NTNG1: variants seen among roughly 807,000 people sequenced by gnomAD.
NTNG1 encodes netrin-G1.
Under a neutral mutation model 54.0 loss-of-function variants are expected in NTNG1, and 16 were observed. The ratio of observed to expected loss-of-function variants is 0.30; its 90% CI spans 0.20 to 0.45. NTNG1 has a LOEUF of 0.45. Among genes scored for constraint, NTNG1 ranks in the 20% least tolerant of loss-of-function variants. The pLI is 1.00. For synonymous variants in NTNG1, 255 were observed against 263.1 expected (o/e 0.97, Z 0.30); for missense variants, 530 against 678.7 (o/e 0.78, Z 2.43).
At chr1:107,325,021 G>C (rs1667870550) in intron 3 of NTNG1, 99 bp downstream of exon 3, 2 of 1,246,766 alleles carry the variant, frequency 1.6e-6, no homozygotes, top group Non-Finnish European at 2.2e-6. Flanking sequence ...AATTTCTACT[G>C]CAACGTTTTC....
At chr1:107,381,706 G>A (rs557761833) in intron 3 of NTNG1, among the ~76,000 whole-genome samples, 6 of 152,286 alleles carry the variant, frequency 3.9e-5, no homozygotes, top group Admixed American at 3.9e-4. Flanking sequence ...ATCCAAACCA[G>A]TTTAAACCAA....
chr1:107,211,014 C>T (rs577812823), intron 2 of NTNG1, among the ~76,000 whole-genome samples: 1 of 152,244 alleles, frequency 6.6e-6, no homozygotes, highest in South Asian at 2.1e-4. Context: ...CCTTATATGT[C>T]GTCTCTGAAC....
intron 2 of NTNG1, among the ~76,000 whole-genome samples, chr1:107,267,212 A>G (rs1002423694): frequency 6.6e-6 from 1 of 152,228 alleles, no homozygotes; most frequent in African/African-American, 2.4e-5. Flanking sequence ...TATACAGATA[A>G]ATGAGATAAT....
At chr1:107,346,224 T>TGTC (rs1409864702) in intron 3 of NTNG1, among the ~76,000 whole-genome samples, 1 of 152,230 alleles carries the variant, frequency 6.6e-6, no homozygotes, top group East Asian at 1.9e-4. Context: ...GGAAGAAGAT[T>TGTC]GATCCCTGAT....
chr1:107,438,523 A>T (rs577841388), intron 7 of NTNG1, among the ~76,000 whole-genome samples: 3 of 152,272 alleles, frequency 2.0e-5, no homozygotes, highest in African/African-American at 7.2e-5. Flanking sequence ...GCAGGCCAAC[A>T]GTCAGGAGAA....
chr1:107,398,387 C>A (rs1672820250), intron 4 of NTNG1, among the ~76,000 whole-genome samples: 1 of 152,118 alleles, frequency 6.6e-6, no homozygotes, highest in Non-Finnish European at 1.5e-5. Flanking sequence ...ATATTCTTCC[C>A]CAAGACACTC....
At chr1:107,299,706 C>T (rs1321076160) in intron 2 of NTNG1, among the ~76,000 whole-genome samples, 1 of 152,098 alleles carries the variant, frequency 6.6e-6, no homozygotes, top group Non-Finnish European at 1.5e-5. Flanking sequence ...ATATCAGTGC[C>T]TCAGAATGAC....
intron 2 of NTNG1, among the ~76,000 whole-genome samples, chr1:107,201,362 C>T (rs4915025): frequency 0.91 from 137,807 of 151,778 alleles, 63,975 homozygotes; most frequent in Non-Finnish European, 1. Flanking sequence ...GCCCTACTCT[C>T]GTGCCAACTT....
intron 3 of NTNG1, among the ~76,000 whole-genome samples, chr1:107,338,536 G>T (rs1244285678): frequency 6.6e-6 from 1 of 151,890 alleles, no homozygotes; most frequent in Non-Finnish European, 1.5e-5. Context: ...AACTTGGGAT[G>T]GAAACTTACC....
chr1:107,268,486 ATTT>A (rs55816322), intron 2 of NTNG1, among the ~76,000 whole-genome samples: 9 of 138,782 alleles, frequency 6.5e-5, no homozygotes, highest in Non-Finnish European at 4.7e-5. Flanking sequence ...CTCTCATCAT[ATTT>A]TTTTTTTTTT....
At chr1:107,424,851 G>A (rs149608459) in intron 5 of NTNG1, among the ~76,000 whole-genome samples, 3 of 152,066 alleles carry the variant, frequency 2.0e-5, no homozygotes, top group African/African-American at 7.2e-5. Context: ...TAACTATTTT[G>A]GAATGGCCTG....
intron 2 of NTNG1, among the ~76,000 whole-genome samples, chr1:107,250,547 C>T (rs1172458927): frequency 3.4e-5 from 5 of 145,646 alleles, no homozygotes; most frequent in Non-Finnish European, 7.5e-5. Context: ...TATCCCAGAA[C>T]TGAAAGTATA....
At chr1:107,218,986 TC>T (rs1483692977) in intron 2 of NTNG1, among the ~76,000 whole-genome samples, 2 of 152,168 alleles carry the variant, frequency 1.3e-5, no homozygotes, top group African/African-American at 2.4e-5. Context: ...CGATTATAGC[TC>T]CAAATATGTT....
chr1:107,426,513 T>C (rs1674918974), intron 5 of NTNG1, among the ~76,000 whole-genome samples: 1 of 152,148 alleles, frequency 6.6e-6, no homozygotes. Context: ...CTCTATTCTC[T>C]TCCATTGATC....
At chr1:107,215,280 G>A (rs998799138) in intron 2 of NTNG1, among the ~76,000 whole-genome samples, 1 of 152,142 alleles carries the variant, frequency 6.6e-6, no homozygotes, top group African/African-American at 2.4e-5. Context: ...ATTTATTTAA[G>A]TATTTGATCC....
intron 2 of NTNG1, among the ~76,000 whole-genome samples, chr1:107,249,119 A>T (rs1266774465): frequency 6.6e-6 from 1 of 151,314 alleles, no homozygotes; most frequent in Non-Finnish European, 1.5e-5. Flanking sequence ...AGATCACACC[A>T]CTGCACTCTA....
intron 5 of NTNG1, among the ~76,000 whole-genome samples, chr1:107,425,380 A>T (rs866549442): frequency 6.6e-6 from 1 of 151,804 alleles, no homozygotes; most frequent in South Asian, 2.1e-4. Flanking sequence ...TTCCATCTTT[A>T]TGTCCGTATG....
At chr1:107,465,550 A>G (rs1027767401) in intron 7 of NTNG1, among the ~76,000 whole-genome samples, 6 of 152,226 alleles carry the variant, frequency 3.9e-5, no homozygotes, top group Admixed American at 3.9e-4. Context: ...ATAAGGCTTC[A>G]AAGGAAGGAT....
intron 7 of NTNG1, among the ~76,000 whole-genome samples, chr1:107,466,595 C>G (rs1230075016): frequency 1.3e-5 from 2 of 152,198 alleles, no homozygotes; most frequent in African/African-American, 2.4e-5. Flanking sequence ...TGTGATTAGT[C>G]TTTAACAAGT....
Sources: allele counts gnomAD v4.1 joint callset (sites outside exome capture counted in the v4.1 genomes callset), GRCh38; gene constraint gnomAD v4.1.1; transcripts MANE v1.5; gene names NCBI Gene and HGNC (gene_info 2026-07-23, HGNC 2026-07-21).